NYNRIN: variants seen among roughly 807,000 people sequenced by gnomAD.
The protein encoded by NYNRIN is NYN domain and retroviral integrase containing.
In NYNRIN, 86 loss-of-function variants were observed where a neutral mutation model predicts 146.6. The ratio of observed to expected loss-of-function variants is 0.59; its 90% CI spans 0.49 to 0.70. NYNRIN has a LOEUF of 0.70. Ranked by LOEUF, NYNRIN falls within the 30% of genes least tolerant of loss-of-function variation. NYNRIN has a pLI of 0.00. For missense variants in NYNRIN, 2,191 were observed against 2,377.7 expected, an observed-to-expected ratio of 0.92 and a Z score of 1.63; for synonymous variants, 1,027 against 1,001.3, an observed-to-expected ratio of 1.03 and a Z score of -0.48.
At chr14:24,412,775 G>A (rs539822606) in intron 6 of NYNRIN, 13 of 455,600 alleles carry the variant, frequency 2.9e-5, no homozygotes, top group South Asian at 2.4e-4. Flanking sequence ...CTGGGAATGC[G>A]TGCATCCAAG....
Position 24,410,966 on chromosome 14 carries a change from G to C in NYNRIN, c.2415-110G>C, listed in dbSNP as rs2042909112. On this transcript the variant is annotated intron_variant, in intron 4 of 8. Transcript: ENST00000382554. ...ATGTCTGAGTATGGAGGGAAGGGGA[G>C]AGGGCATCATTGGTGTCCTTGGTGC... 6.1e-6 allele frequency: 8 copies of C among 1,308,270 alleles called. No individual in the cohort carries two copies. The Admixed American group carries it at 1.4e-4, about 22-fold the overall frequency. The allele number at this position is 1,308,270 out of a possible 1,614,324, so 81.0% of individuals were successfully genotyped here.
rs2042889689 is a variant in NYNRIN at position 24,408,423 on chromosome 14, G to A, written c.753G>A (p.Gln251=). The A allele has an allele frequency of 1.2e-6, 2 of 1,613,360 alleles. No homozygotes were observed. Among genetic ancestry groups the A allele is most frequent in the Non-Finnish European group, 1.7e-6 (2 of 1,179,722 alleles). Reference sequence around the variant, plus strand: ...CCTTTGTGGACATGGGGACCCTCCAGAACAGGGGCCCAGAAAATTCAAAGA... The same window carrying A: ...CCTTTGTGGACATGGGGACCCTCCAAAACAGGGGCCCAGAAAATTCAAAGA... ...PGPFVDMGTL[Q]NRGPENSKRL... is the part of the protein sequence containing the mutation. Residue 251 remains glutamine (Q), a synonymous_variant, in exon 3 of 9, where the codon CAG becomes CAA. Transcript: ENST00000382554.
intron 7 of NYNRIN, 96 bp from the exon 8 acceptor site, chr14:24,413,220 A>T: frequency 7.3e-7 from 1 of 1,364,246 alleles, no homozygotes. Context: ...ACCTGCCAGG[A>T]TGTGGGTCTC....
At position 24,417,341 on chromosome 14, in the gene NYNRIN, G is replaced by A. The variant is rs373108431; in HGVS notation, c.5592G>A (p.Trp1864Ter). ...TGAGCCTGTCACTCTATAGGATATGGGGCTTCCCAACCCCAGAGAAGCTGG... is the reference window on the plus strand; with the variant it reads ...TGAGCCTGTCACTCTATAGGATATGAGGCTTCCCAACCCCAGAGAAGCTGG... ...DRLSLSLYRI[W>*]GFPTPEKLGC... Residue 1864 changes from tryptophan to a stop codon, truncating the protein, a stop_gained, in exon 9 of 9, where the codon TGG becomes TGA. Transcript: ENST00000382554. LOFTEE classifies it high-confidence loss of function. The A allele has an allele frequency of 6.2e-7, 1 of 1,605,876 alleles. No homozygotes were observed. Among genetic ancestry groups the A allele is most frequent in the African/African-American group, 1.3e-5 (1 of 74,794 alleles).
At position 24,414,739 on chromosome 14, in the gene NYNRIN, A is replaced by G. The variant is rs934759594; in HGVS notation, c.2990A>G (p.Glu997Gly). 6.2e-7 allele frequency: 1 copy of G among 1,613,490 alleles called. No homozygotes were observed. The highest frequency in any genetic ancestry group is 1.7e-5 in the Admixed American group (1 of 59,938). ...PNMEEVREEK[E>G]ERQDEEQRQG... is the part of the protein sequence containing the mutation. Reference sequence around the variant, plus strand: ...ATGGAAGAAGTCAGGGAAGAGAAGGAGGAGAGGCAGGATGAGGAGCAGAGA... The same window carrying G: ...ATGGAAGAAGTCAGGGAAGAGAAGGGGGAGAGGCAGGATGAGGAGCAGAGA... The change falls in exon 9 of 9, where the codon GAG (glutamate) becomes GGG (glycine). Residue 997 changes from glutamate to glycine, a missense_variant. Physicochemically the swap from Glu to Gly is moderately conservative, Grantham distance 98 (BLOSUM62 -2). Transcript: ENST00000382554.
At chr14:24,400,906 C>T (rs1160993992) in intron 2 of NYNRIN, among the ~76,000 whole-genome samples, 3 of 151,858 alleles carry the variant, frequency 2.0e-5, no homozygotes, top group Non-Finnish European at 4.4e-5. Context: ...TCTCCTGCCT[C>T]AGCCTTCTGA....
Position 24,399,384 on chromosome 14 carries a change from G to A in NYNRIN, c.138G>A (p.Pro46=), listed in dbSNP as rs893153986. 1.2e-6 allele frequency: 2 copies of A among 1,613,738 alleles called. No individual in the cohort carries two copies. Among genetic ancestry groups the A allele is most frequent in the Non-Finnish European group, 1.7e-6 (2 of 1,179,774 alleles). Reference sequence around the variant, plus strand: ...AGCTGAACGCCTTCCAGAGCCGCCCGGACACCCCCTACTTCTGGCTACAGC... The same window carrying A: ...AGCTGAACGCCTTCCAGAGCCGCCCAGACACCCCCTACTTCTGGCTACAGC... ...RVKLNAFQSR[P]DTPYFWLQLE... Residue 46 remains proline, a synonymous_variant, in exon 2 of 9, where the codon CCG becomes CCA. Transcript: ENST00000382554.
chr14:24,404,994 CTGTG>C (rs747195772), intron 2 of NYNRIN, among the ~76,000 whole-genome samples: 24 of 83,174 alleles, frequency 2.9e-4, no homozygotes, highest in South Asian at 8.4e-4. Context: ...CTTGCCAAGC[CTGTG>C]TGTGTGTGTG....
Position 24,414,588 on chromosome 14 carries a change from T to TG in NYNRIN, c.2847-6dup. ...CTGCCCTTCCCTCTTCCATCTGTTT[T>TG]GGTGTAGGTTGGACACTGACATTGG... On this transcript the variant is annotated splice_region_variant and splice_polypyrimidine_tract_variant and intron_variant, in intron 8 of 8. Coordinates refer to ENST00000382554, the MANE Select transcript of NYNRIN (RefSeq NM_025081.3). The TG allele has an allele frequency of 6.3e-7, 1 of 1,598,914 alleles. No individual in the cohort carries two copies. Among genetic ancestry groups the TG allele is most frequent in the East Asian group, 2.2e-5 (1 of 44,628 alleles).
rs372375905 is a variant in NYNRIN at position 24,411,066 on chromosome 14, G to A, written c.2415-10G>A. On this transcript the variant is annotated splice_polypyrimidine_tract_variant and intron_variant, in intron 4 of 8. Coordinates refer to ENST00000382554, the MANE Select transcript of NYNRIN (RefSeq NM_025081.3). This position sits in a 1 kb window ranked among gnomAD's most constrained non-coding sequence, Gnocchi z 4.3. ...GAGGCAGGGTCTTTCCTTGTCCCACGACCCCACAGGCATGGCCTGCAGCAC... is the reference window on the plus strand; with the variant it reads ...GAGGCAGGGTCTTTCCTTGTCCCACAACCCCACAGGCATGGCCTGCAGCAC... 1.4e-5 allele frequency: 23 copies of A among 1,613,258 alleles called. No homozygotes were observed. The highest frequency in any genetic ancestry group is 5.0e-5 in the Admixed American group (3 of 59,942).
rs1018812104 is a variant in NYNRIN, at chr14:24,419,123, C to T, written c.*1677C>T. The T allele has an allele frequency of 1.0e-4, 16 of 152,412 alleles. No homozygotes were observed. The highest frequency in any genetic ancestry group is 2.0e-4 in the Admixed American group (3 of 15,294). The allele number at this position is 152,412 out of a possible 1,614,324, so 9.4% of individuals were successfully genotyped here. A position where few individuals can be genotyped will look rare whatever the true frequency, so the allele number is the denominator to read the frequency against. On this transcript the variant is annotated 3_prime_UTR_variant, in exon 9 of 9. Transcript: ENST00000382554. ...GGTGCTCTCTTTCCTCCGCCCCCCG[C>T]GCCATTCTTTCTCTTCCTCCTCTCT...
intron 2 of NYNRIN, 135 bp downstream of exon 2, chr14:24,399,579 A>G (rs2139339500): frequency 1.3e-6 from 1 of 752,514 alleles, no homozygotes; most frequent in Middle Eastern, 3.3e-4. Context: ...GCAGGCAGGT[A>G]GTGGGCCATC....
Position 24,413,159 on chromosome 14 carries a change from C to T in NYNRIN, c.2744+61C>T, listed in dbSNP as rs778928288. The T allele has an allele frequency of 4.9e-5, 69 of 1,412,356 alleles. 1 individual carries two copies. The highest frequency in any genetic ancestry group is 6.8e-5 in the Non-Finnish European group (69 of 1,019,876). The allele number at this position is 1,412,356 out of a possible 1,614,324, so 87.5% of individuals were successfully genotyped here. On this transcript the variant is annotated intron_variant, in intron 7 of 8. Coordinates refer to ENST00000382554, the MANE Select transcript of NYNRIN (RefSeq NM_025081.3). ...CCCTTGGATGTCAGGCAGCCCCTGGCATGGGAGGGATTAGGGCTGGAAGAG... is the reference window on the plus strand; with the variant it reads ...CCCTTGGATGTCAGGCAGCCCCTGGTATGGGAGGGATTAGGGCTGGAAGAG...
intron 8 of NYNRIN, 58 bp from the exon 9 acceptor site, chr14:24,414,538 C>G: frequency 6.6e-7 from 1 of 1,516,424 alleles, no homozygotes; most frequent in South Asian, 1.3e-5. Flanking sequence ...GGTGCTTTCC[C>G]TTTGGAGGAT....
At position 24,418,345 on chromosome 14, in the gene NYNRIN, T is replaced by A. The variant is rs2042962596; in HGVS notation, c.*899T>A. ...GCAACAGGAGTGGCACACGGTGAAG[T>A]GCTGGCATGGCTCTACCTCCCAACC... On this transcript the variant is annotated 3_prime_UTR_variant, in exon 9 of 9. Transcript: ENST00000382554. The A allele has an allele frequency of 6.6e-6, 3 of 453,066 alleles. No homozygotes were observed. Among genetic ancestry groups the A allele is most frequent in the Non-Finnish European group, 1.3e-5 (3 of 225,226 alleles). The allele number at this position is 453,066 out of a possible 1,614,324, so 28.1% of individuals were successfully genotyped here.
rs189972799 is a variant in NYNRIN at position 24,415,645 on chromosome 14, C to T, written c.3896C>T (p.Pro1299Leu). 67 of 1,614,002 alleles carry T rather than the reference C, an allele frequency of 4.2e-5. No homozygotes were observed. Among genetic ancestry groups the T allele is most frequent in the Middle Eastern group, 1.6e-4 (1 of 6,062 alleles). The change falls in exon 9 of 9, where the codon CCG becomes CTG. Residue 1299 changes from proline to leucine, a missense_variant. Pro to Leu is a moderately conservative substitution (Grantham distance 98). Coordinates refer to ENST00000382554, the MANE Select transcript of NYNRIN (RefSeq NM_025081.3). Reference sequence around the variant, plus strand: ...ATGCCTCGCTTCTTCCAGGTTCTGCCGCCTTTCTCTGACCTGTCCACGTTC... The same window carrying T: ...ATGCCTCGCTTCTTCCAGGTTCTGCTGCCTTTCTCTGACCTGTCCACGTTC... ...ASMPRFFQVL[P>L]PFSDLSTFVC...
At chr14:24,406,623 G>A (rs1043951410) in intron 2 of NYNRIN, among the ~76,000 whole-genome samples, 2 of 152,242 alleles carry the variant, frequency 1.3e-5, no homozygotes, top group Non-Finnish European at 2.9e-5. Context: ...CCTGAGCCGG[G>A]AAAGATGGCC....
chr14:24,412,276 C>T (rs185149324), intron 6 of NYNRIN, among the ~76,000 whole-genome samples: 1 of 152,272 alleles, frequency 6.6e-6, no homozygotes, highest in East Asian at 1.9e-4. Flanking sequence ...GATGGCTTTT[C>T]CGCAGACCGT....
At position 24,415,597 on chromosome 14, in the gene NYNRIN, G is replaced by T. The variant is rs775781760; in HGVS notation, c.3848G>T (p.Arg1283Leu). 6.2e-7 allele frequency: 1 copy of T among 1,613,808 alleles called. No homozygotes were observed. The highest frequency in any genetic ancestry group is 8.5e-7 in the Non-Finnish European group (1 of 1,179,860). ...ALLQGLLGEN[R>L]LLTPAASMPR... ...CTCCAGGGCCTGCTGGGGGAGAACCGCCTGCTCACCCCCGCGGCCTCCATG... is the reference window on the plus strand; with the variant it reads ...CTCCAGGGCCTGCTGGGGGAGAACCTCCTGCTCACCCCCGCGGCCTCCATG... Residue 1283 changes from arginine (R) to leucine (L), a missense_variant, in exon 9 of 9, where the codon CGC becomes CTC. Physicochemically the swap from Arg to Leu is moderately radical, Grantham distance 102 (BLOSUM62 -2). Coordinates refer to ENST00000382554, the MANE Select transcript of NYNRIN (RefSeq NM_025081.3).
Sources: allele counts gnomAD v4.1 joint callset (sites outside exome capture counted in the v4.1 genomes callset), GRCh38; gene constraint gnomAD v4.1.1; non-coding constraint Gnocchi (gnomAD v3.1); transcripts MANE v1.5; gene names NCBI Gene and HGNC (gene_info 2026-07-23, HGNC 2026-07-21).